The following FOXP1 variants were observed in gnomAD, a reference collection of about 807,000 sequenced individuals.
The protein encoded by FOXP1 is forkhead box protein P1.
A neutral mutation model predicts 98.2 loss-of-function variants in FOXP1; 15 were observed. The observed-to-expected ratio is 0.15, with a 90% CI of 0.10 to 0.24. The LOEUF (loss-of-function observed/expected upper bound fraction) is 0.24, where lower values mean the gene tolerates loss of function less well. FOXP1 is among the 10% of genes least tolerant of loss of function. The pLI, the probability that FOXP1 is intolerant of heterozygous loss-of-function variation, is 1.00. For missense variants in FOXP1, 633 were observed against 848.5 expected, an observed-to-expected ratio of 0.75 and a Z score of 3.15; for synonymous variants, 371 against 314.5, an observed-to-expected ratio of 1.18 and a Z score of -1.90.
At chr3:71,052,505 T>C (rs1376870041) in intron 9 of FOXP1, 32 bp downstream of exon 9, 2 of 909,320 alleles carry the variant, frequency 2.2e-6, no homozygotes, top group Non-Finnish European at 3.7e-6. Context: ...CTGGGATCTG[T>C]GGTTTGAAAG....
At chr3:70,961,523 G>A (rs1161333365) in intron 20 of FOXP1, among the ~76,000 whole-genome samples, 2 of 152,130 alleles carry the variant, frequency 1.3e-5, no homozygotes, top group African/African-American at 2.4e-5. Flanking sequence ...GAGACACCAT[G>A]GCTCGCCGGA....
At chr3:71,203,392 G>A (rs556976718) in intron 5 of FOXP1, among the ~76,000 whole-genome samples, 1 of 152,324 alleles carries the variant, frequency 6.6e-6, no homozygotes, top group Admixed American at 6.5e-5. Flanking sequence ...ATTTATTGTT[G>A]TTGCCAACAG....
chr3:71,315,079 T>TAAAAAAAAAAAAAAA (rs11355298), intron 4 of FOXP1, among the ~76,000 whole-genome samples: 14 of 70,692 alleles, frequency 2.0e-4, no homozygotes, highest in East Asian at 6.5e-4. Context: ...CTGGTCCATG[T>TAAAAAAAAAAAAAAA]AAAAAAAAAA....
chr3:71,582,759 T>A, intron 1 of FOXP1: 1 of 984,820 alleles, frequency 1.0e-6, no homozygotes, highest in Non-Finnish European at 1.2e-6. Context: ...CGAGCGCGCG[T>A]AGGGGTGCGT....
At chr3:71,314,772 G>C (rs2074957143) in intron 4 of FOXP1, among the ~76,000 whole-genome samples, 1 of 151,954 alleles carries the variant, frequency 6.6e-6, no homozygotes, top group South Asian at 2.1e-4. Context: ...CCTTGGGGCT[G>C]CCTGTCCCAC....
chr3:71,247,906 T>C lies in FOXP1; in HGVS notation c.-11-49514A>G, dbSNP rs149495045. ...AACTACTAGCATTCCATAGGAACTA[T>C]TGGGAGACAGAAAGGCTGTCCTTCT... On this transcript the variant is annotated intron_variant, in intron 5 of 20. Coordinates refer to ENST00000649528, the MANE Select transcript of FOXP1 (RefSeq NM_001349338.3). 4.5e-3 allele frequency among the ~76,000 whole-genome samples: 691 copies of C among 152,306 alleles called. 7 individuals are homozygous for C. Among genetic ancestry groups the C allele is most frequent in the African/African-American group, 0.016 (653 of 41,566 alleles).
intron 3 of FOXP1, among the ~76,000 whole-genome samples, chr3:71,424,582 C>G (rs2083956069): frequency 6.6e-6 from 1 of 152,168 alleles, no homozygotes; most frequent in Non-Finnish European, 1.5e-5. Context: ...TAAAATGCAG[C>G]TAACTTCCAG....
chr3:71,103,781 C>T (rs1458365485), intron 7 of FOXP1, among the ~76,000 whole-genome samples: 2 of 152,180 alleles, frequency 1.3e-5, no homozygotes, highest in African/African-American at 2.4e-5. Context: ...GTGACCTCTG[C>T]ACTTCAGCAG....
At chr3:71,370,510 T>C (rs2079219899) in intron 3 of FOXP1, among the ~76,000 whole-genome samples, 1 of 152,214 alleles carries the variant, frequency 6.6e-6, no homozygotes, top group Admixed American at 6.5e-5. Context: ...GTTTTGTTTA[T>C]TCTTTCACTC....
At chr3:71,331,494 G>T (rs888364489) in intron 4 of FOXP1, among the ~76,000 whole-genome samples, 1 of 152,218 alleles carries the variant, frequency 6.6e-6, no homozygotes, top group African/African-American at 2.4e-5. Context: ...CGCACGGCGC[G>T]GGACTGGCAC....
chr3:70,978,914 T>C (rs1002207070), intron 14 of FOXP1, among the ~76,000 whole-genome samples: 3 of 152,070 alleles, frequency 2.0e-5, no homozygotes, highest in African/African-American at 7.2e-5. Flanking sequence ...GAATGTTCTA[T>C]AAAATGGGAA....
At chr3:71,126,328 C>CAAA (rs528792162) in intron 6 of FOXP1, among the ~76,000 whole-genome samples, 44,231 of 142,760 alleles carry the variant, frequency 0.31, 7,315 homozygotes, top group East Asian at 0.59. Context: ...ATTAAAAATA[C>CAAA]AAAAAAAAAA....
chr3:71,525,822 T>C (rs2043332647), intron 2 of FOXP1, among the ~76,000 whole-genome samples: 1 of 152,140 alleles, frequency 6.6e-6, no homozygotes, highest in Non-Finnish European at 1.5e-5. Flanking sequence ...TTCATTTAAA[T>C]ATAGGAGTAC....
rs556430150 is a variant in FOXP1, at chr3:71,419,845, G to A, written c.-167-60601C>T. Reference sequence around the variant, plus strand: ...TATTATTATTTTGAGACAGAGTCTTGCTCTTGTCGCCCAGGCTAGAGTGCA... The same window carrying A: ...TATTATTATTTTGAGACAGAGTCTTACTCTTGTCGCCCAGGCTAGAGTGCA... On this transcript the variant is annotated intron_variant, in intron 3 of 20. Coordinates refer to ENST00000649528, the MANE Select transcript of FOXP1 (RefSeq NM_001349338.3). Among the ~76,000 whole-genome samples the A allele has an allele frequency of 7.2e-5, 11 of 151,990 alleles. No homozygotes were observed. The East Asian group carries it at 1.7e-3, about 24-fold the overall frequency.
intron 6 of FOXP1, among the ~76,000 whole-genome samples, chr3:71,143,399 A>T (rs1227861114): frequency 6.6e-6 from 1 of 152,120 alleles, no homozygotes; most frequent in Non-Finnish European, 1.5e-5. Flanking sequence ...TGGTGAGGAA[A>T]ACCCTGTCTC....
At chr3:71,580,409 A>C (rs1009903056) in intron 2 of FOXP1, among the ~76,000 whole-genome samples, 1 of 151,388 alleles carries the variant, frequency 6.6e-6, no homozygotes, top group Non-Finnish European at 1.5e-5. Context: ...GGGGGAAAAA[A>C]ACAGTCCAAA....
At chr3:71,373,108 T>C (rs2079461161) in intron 3 of FOXP1, among the ~76,000 whole-genome samples, 1 of 152,236 alleles carries the variant, frequency 6.6e-6, no homozygotes, top group Non-Finnish European at 1.5e-5. Context: ...GTAAGTATTC[T>C]ATGTTAACCA....
intron 11 of FOXP1, 59 bp from the exon 12 acceptor site, chr3:71,015,712 A>G (rs1167791836): frequency 5.6e-5 from 70 of 1,239,196 alleles, no homozygotes; most frequent in Non-Finnish European, 7.4e-5. Context: ...CCATTCCACC[A>G]GACGAGGATA....
At chr3:71,094,343 G>A (rs1451010030) in intron 7 of FOXP1, among the ~76,000 whole-genome samples, 1 of 144,724 alleles carries the variant, frequency 6.9e-6, no homozygotes, top group Non-Finnish European at 1.5e-5. Context: ...GCAGTGGCGT[G>A]ATCTCAGCTC....
Sources: allele counts gnomAD v4.1 joint callset (sites outside exome capture counted in the v4.1 genomes callset), GRCh38; gene constraint gnomAD v4.1.1; transcripts MANE v1.5; gene names NCBI Gene and HGNC (gene_info 2026-07-23, HGNC 2026-07-21).